The following SASH1 variants were observed in gnomAD, a reference collection of about 807,000 sequenced individuals.
SASH1 encodes the protein SAM and SH3 domain-containing protein 1.
Under a neutral mutation model 125.2 loss-of-function variants are expected in SASH1, and 44 were observed. The observed-to-expected ratio is 0.35, with a 90% CI of 0.28 to 0.45. The LOEUF is 0.45. SASH1 is among the 20% of genes least tolerant of loss of function. The pLI, the probability that SASH1 is intolerant of heterozygous loss-of-function variation, is 1.00. For missense variants in SASH1, 1,426 were observed against 1,614.5 expected (o/e 0.88, Z 2.00); for synonymous variants, 639 against 649.1 (o/e 0.98, Z 0.24).
chr6:148,542,578 G>A (rs924478657), intron 17 of SASH1, among the ~76,000 whole-genome samples: 6 of 151,968 alleles, frequency 3.9e-5, no homozygotes, highest in Non-Finnish European at 8.8e-5. Flanking sequence ...TATGAGAGAC[G>A]GGGTTTCACC....
At position 148,539,184 on chromosome 6, in the gene SASH1, C is replaced by CT. The variant is rs1010791553; in HGVS notation, c.2096-1250dup. Among the ~76,000 whole-genome samples, 8 of 150,792 alleles carry CT rather than the reference C, an allele frequency of 5.3e-5. No homozygotes were observed. The South Asian group carries it at 1.3e-3, about 24-fold the overall frequency. On this transcript the variant is annotated intron_variant, in intron 16 of 19. Transcript: ENST00000367467. ...AAGCCTTCCTCAGAATGAGGTCTTC[C>CT]TTTTTTTTTCTTTATTTTATTTTTT... is the stretch of plus-strand genomic sequence containing the variant.
chr6:148,203,307 G>A, the SASH1 span, among the ~76,000 whole-genome samples: 1 of 152,306 alleles, frequency 6.6e-6, no homozygotes, highest in Non-Finnish European at 1.5e-5. Flanking sequence ...TGGAGGGACA[G>A]TGATTTTCCC....
intron 2 of SASH1, among the ~76,000 whole-genome samples, chr6:148,412,497 C>A (rs1222581050): frequency 1.3e-5 from 2 of 152,180 alleles, no homozygotes; most frequent in African/African-American, 4.8e-5. Context: ...ATAGTTATGT[C>A]AGTTTGCAAT....
chr6:148,345,772 C>CT (rs1360648778), intron 1 of SASH1, among the ~76,000 whole-genome samples: 3 of 152,154 alleles, frequency 2.0e-5, no homozygotes, highest in Admixed American at 6.5e-5. Flanking sequence ...GGTGAAGTGA[C>CT]TTGGCCAATG....
the SASH1 span, among the ~76,000 whole-genome samples, chr6:148,257,673 C>G: frequency 6.7e-6 from 1 of 149,822 alleles, no homozygotes. Context: ...ACTCTGTCGC[C>G]AGGCTAGAGT....
intron 4 of SASH1, among the ~76,000 whole-genome samples, chr6:148,457,948 C>G (rs925279714): frequency 2.0e-5 from 3 of 152,196 alleles, no homozygotes; most frequent in Non-Finnish European, 2.9e-5. Flanking sequence ...GGTAACCGCC[C>G]CCATGATTAA....
At chr6:148,452,525 T>C (rs1271560653) in intron 4 of SASH1, among the ~76,000 whole-genome samples, 2 of 152,254 alleles carry the variant, frequency 1.3e-5, no homozygotes, top group African/African-American at 4.8e-5. Flanking sequence ...GGACAGAATC[T>C]GAGCGTGAGT....
intron 4 of SASH1, among the ~76,000 whole-genome samples, chr6:148,447,202 C>CT (rs997590455): frequency 1.3e-5 from 2 of 152,130 alleles, no homozygotes; most frequent in Non-Finnish European, 2.9e-5. Flanking sequence ...TTTAGTTTCA[C>CT]TTTTTTTCAT....
chr6:148,274,274 C>G (rs373757503), intron 1 of SASH1, among the ~76,000 whole-genome samples: 1 of 152,164 alleles, frequency 6.6e-6, no homozygotes. Context: ...CAAAAATCTT[C>G]CAACAGAACA....
At chr6:148,436,327 C>A (rs1776289524) in intron 2 of SASH1, among the ~76,000 whole-genome samples, 1 of 151,894 alleles carries the variant, frequency 6.6e-6, no homozygotes, top group Non-Finnish European at 1.5e-5. Context: ...CCCATCTCTA[C>A]ACAAAGTACA....
intron 1 of SASH1, among the ~76,000 whole-genome samples, chr6:148,292,005 GC>G (rs1779648116): frequency 6.6e-6 from 1 of 152,052 alleles, no homozygotes. Context: ...AGAGTGGCTA[GC>G]ATCTTTAACA....
chr6:148,442,268 G>A (rs574277474), intron 4 of SASH1, among the ~76,000 whole-genome samples: 1 of 150,884 alleles, frequency 6.6e-6, no homozygotes, highest in East Asian at 2.0e-4. Context: ...TTAGCCAGGT[G>A]TGGTGGTGCC....
At chr6:148,386,166 TCC>T (rs1342409806) in intron 1 of SASH1, among the ~76,000 whole-genome samples, 1 of 152,112 alleles carries the variant, frequency 6.6e-6, no homozygotes, top group Non-Finnish European at 1.5e-5. Context: ...GGGAACCACC[TCC>T]CCTGCCCAAC....
At chr6:148,458,858 G>A (rs1057237123) in intron 4 of SASH1, among the ~76,000 whole-genome samples, 3 of 151,838 alleles carry the variant, frequency 2.0e-5, no homozygotes. Flanking sequence ...TCCCAGCTAC[G>A]TGGAAGGCCA....
At chr6:148,444,681 C>T (rs911332467) in intron 4 of SASH1, among the ~76,000 whole-genome samples, 4 of 152,152 alleles carry the variant, frequency 2.6e-5, no homozygotes, top group Non-Finnish European at 4.4e-5. Flanking sequence ...CTATCTACAT[C>T]GCTTATTGAT....
At chr6:148,462,553 G>C (rs896011131) in intron 4 of SASH1, among the ~76,000 whole-genome samples, 6 of 152,110 alleles carry the variant, frequency 3.9e-5, no homozygotes, top group African/African-American at 1.4e-4. Context: ...GCAGATAGGG[G>C]GGTCTTGCAA....
At chr6:148,364,253 A>T (rs918637081) in intron 1 of SASH1, among the ~76,000 whole-genome samples, 1 of 152,164 alleles carries the variant, frequency 6.6e-6, no homozygotes. Context: ...TAGCAGAGGA[A>T]AAGGAAAGTT....
intron 8 of SASH1, chr6:148,508,706 C>G: frequency 8.3e-7 from 1 of 1,198,292 alleles, no homozygotes; most frequent in Non-Finnish European, 1.1e-6. Flanking sequence ...GACGGTGGAG[C>G]CTGCCTGATC....
chr6:148,295,606 G>A (rs753843428), intron 1 of SASH1, among the ~76,000 whole-genome samples: 14 of 152,210 alleles, frequency 9.2e-5, no homozygotes, highest in Non-Finnish European at 1.9e-4. Context: ...GATCAACCGG[G>A]TGACAATCCC....
Sources: allele counts gnomAD v4.1 joint callset (sites outside exome capture counted in the v4.1 genomes callset), GRCh38; gene constraint gnomAD v4.1.1; transcripts MANE v1.5; gene names NCBI Gene and HGNC (gene_info 2026-07-23, HGNC 2026-07-21).